The following PLEK variants were observed in gnomAD, a reference collection of about 807,000 sequenced individuals.
PLEK encodes pleckstrin, also known as platelet 47 kDa protein.
Under a neutral mutation model 43.9 loss-of-function variants are expected in PLEK, and 25 were observed. The observed-to-expected ratio is 0.57, with a 90% CI of 0.41 to 0.79. The LOEUF (loss-of-function observed/expected upper bound fraction) is 0.79, where lower values mean the gene tolerates loss of function less well. Among genes scored for constraint, PLEK ranks in the 30% least tolerant of loss-of-function variants. The pLI, the probability that PLEK is intolerant of heterozygous loss-of-function variation, is 0.00. For missense variants in PLEK, 396 were observed against 413.3 expected (o/e 0.96, Z 0.36); for synonymous variants, 152 against 144.4 (o/e 1.05, Z -0.38).
intron 1 of PLEK, among the ~76,000 whole-genome samples, chr2:68,373,353 A>T (rs184221684): frequency 6.6e-6 from 1 of 152,180 alleles, no homozygotes; most frequent in African/African-American, 2.4e-5. Flanking sequence ...ATCCCAAATG[A>T]CACATCCTCC....
chr2:68,389,829 G>C lies in PLEK; in HGVS notation c.762+1338G>C, dbSNP rs145243704. On this transcript the variant is annotated intron_variant, in intron 6 of 8. Coordinates refer to ENST00000234313, the MANE Select transcript of PLEK (RefSeq NM_002664.3). ...ACAGTTTGCCCGCTGCTGCTTTCTC[G>C]TTGGTTTTGCCAAATATTCCTATGT... is the stretch of plus-strand genomic sequence containing the variant. Among the ~76,000 whole-genome samples the C allele has an allele frequency of 4.1e-4, 62 of 152,260 alleles. 2 individuals carry two copies. In the East Asian group the frequency reaches 0.011, roughly 27 times the overall value.
intron 1 of PLEK, among the ~76,000 whole-genome samples, chr2:68,378,237 T>C (rs767161917): frequency 5.3e-5 from 8 of 152,184 alleles, no homozygotes; most frequent in African/African-American, 1.4e-4. Flanking sequence ...ATATTAAACA[T>C]TTTACCCAAA....
At chr2:68,389,724 G>A (rs1013411531) in intron 6 of PLEK, among the ~76,000 whole-genome samples, 1 of 152,128 alleles carries the variant, frequency 6.6e-6, no homozygotes, top group South Asian at 2.1e-4. Context: ...TTATGACAGG[G>A]TGACCAGCTG....
At chr2:68,369,686 A>G (rs969181931) in intron 1 of PLEK, among the ~76,000 whole-genome samples, 2 of 152,156 alleles carry the variant, frequency 1.3e-5, no homozygotes, top group Admixed American at 6.5e-5. Context: ...CTTCACCACA[A>G]TGTGAAACAG....
intron 1 of PLEK, 152 bp from the exon 2 acceptor site, chr2:68,380,176 G>T (rs879629166): frequency 1.4e-4 from 86 of 621,586 alleles, no homozygotes; most frequent in Admixed American, 2.2e-4. Context: ...AGTAGCCACT[G>T]ATTTGAGAGG....
intron 1 of PLEK, among the ~76,000 whole-genome samples, chr2:68,368,824 A>C (rs538123985): frequency 6.6e-6 from 1 of 152,330 alleles, no homozygotes; most frequent in African/African-American, 2.4e-5. Context: ...AGGACAACCA[A>C]CCTCACAAGC....
intron 7 of PLEK, 117 bp downstream of exon 7, chr2:68,393,362 A>C (rs942044031): frequency 4.2e-6 from 3 of 710,356 alleles, no homozygotes; most frequent in South Asian, 3.3e-5. Context: ...TTACTGGCCC[A>C]CTTTTTTTTC....
intron 8 of PLEK, 105 bp from the exon 9 acceptor site, chr2:68,395,575 C>T (rs1206244416): frequency 2.4e-6 from 3 of 1,241,694 alleles, no homozygotes; most frequent in Non-Finnish European, 3.5e-6. Flanking sequence ...AGTCAATTTC[C>T]TTAGAACACG....
chr2:68,387,214 C>T (rs370324062), intron 5 of PLEK, among the ~76,000 whole-genome samples: 2 of 152,278 alleles, frequency 1.3e-5, no homozygotes, highest in South Asian at 2.1e-4. Flanking sequence ...CCATGTTGGC[C>T]AGGCTGGTCT....
intron 6 of PLEK, 25 bp downstream of exon 6, chr2:68,388,516 C>G (rs760800505): frequency 1.6e-6 from 2 of 1,216,930 alleles, no homozygotes; most frequent in Non-Finnish European, 2.4e-6. Flanking sequence ...CTGCTCCCAT[C>G]TAGCCTTTTC....
chr2:68,376,159 A>G (rs1867310), intron 1 of PLEK, among the ~76,000 whole-genome samples: 80,107 of 151,968 alleles, frequency 0.53, 22,662 homozygotes, highest in East Asian at 0.76. Flanking sequence ...GTTGGATCAC[A>G]ACACTTTTCC....
In PLEK at chr2:68,385,603, C is replaced by T. The variant is rs77635722; in HGVS notation, c.473-899C>T. On this transcript the variant is annotated intron_variant, in intron 4 of 8. Coordinates refer to ENST00000234313, the MANE Select transcript of PLEK (RefSeq NM_002664.3). ...CCTTTTGCCTTCTTTCCACCAACTC[C>T]TCCCCTGCCCCATGGGGCTGCTTTA... is the stretch of plus-strand genomic sequence containing the variant. 3.7e-4 allele frequency among the ~76,000 whole-genome samples: 56 copies of T among 152,210 alleles called. 1 individual carries two copies. In the East Asian group the frequency reaches 0.011, roughly 29 times the overall value.
chr2:68,376,158 C>T (rs948180675), intron 1 of PLEK, among the ~76,000 whole-genome samples: 5 of 152,150 alleles, frequency 3.3e-5, no homozygotes, highest in African/African-American at 7.2e-5. Flanking sequence ...TGTTGGATCA[C>T]AACACTTTTC....
intron 3 of PLEK, 59 bp downstream of exon 3, chr2:68,380,963 G>T (rs1673602195): frequency 6.9e-7 from 1 of 1,456,240 alleles, no homozygotes; most frequent in Non-Finnish European, 9.5e-7. Context: ...AAACATAGCA[G>T]ATCCTGCTCC....
chr2:68,372,750 G>GTA (rs963753720), intron 1 of PLEK, among the ~76,000 whole-genome samples: 28 of 151,948 alleles, frequency 1.8e-4, no homozygotes, highest in African/African-American at 5.1e-4. Flanking sequence ...ATGTGTGTGT[G>GTA]TGTATATATA....
intron 1 of PLEK, among the ~76,000 whole-genome samples, chr2:68,372,687 A>G (rs1201853217): frequency 6.6e-6 from 1 of 152,160 alleles, no homozygotes; most frequent in Non-Finnish European, 1.5e-5. Flanking sequence ...TATGCTACAC[A>G]CACACATGCA....
In PLEK at chr2:68,380,776, C is replaced by T. The variant is rs760483708; in HGVS notation, c.252C>T (p.Ala84=). The T allele has an allele frequency of 1.2e-6, 2 of 1,613,992 alleles. No individual in the cohort carries two copies. The highest frequency in any genetic ancestry group is 2.2e-5 in the South Asian group (2 of 91,082). ...AGCAGGACCACTTCTTCCAGGCAGC[C>T]TTCCTGGAGGAGAGAGATGCCTGGG... ...TKQQDHFFQA[A]FLEERDAWVR... Residue 84 remains alanine (A), a synonymous_variant, in exon 3 of 9, where the codon GCC becomes GCT. Transcript: ENST00000234313.
At chr2:68,395,540 T>G in intron 8 of PLEK, 140 bp from the exon 9 acceptor site, 1 of 816,564 alleles carries the variant, frequency 1.2e-6, no homozygotes, top group Non-Finnish European at 2.1e-6. Flanking sequence ...TAATCATACC[T>G]TGTTTGTATG....
In PLEK at chr2:68,386,693, A is replaced by G; in HGVS notation, c.657+7A>G. 1 of 1,607,794 alleles carries G rather than the reference A, an allele frequency of 6.2e-7. No homozygotes were observed. The highest frequency in any genetic ancestry group is 8.5e-7 in the Non-Finnish European group (1 of 1,174,852). ...TGATGCCTTCTACTACTTTGTAAGA[A>G]AAGCTCCCCATCTCTTCTTCCTGTA... On this transcript the variant is annotated splice_region_variant and intron_variant, in intron 5 of 8. Transcript: ENST00000234313.
Sources: allele counts gnomAD v4.1 joint callset (sites outside exome capture counted in the v4.1 genomes callset), GRCh38; gene constraint gnomAD v4.1.1; transcripts MANE v1.5; gene names NCBI Gene and HGNC (gene_info 2026-07-23, HGNC 2026-07-21).